SPDYE2B: variants seen among roughly 807,000 people sequenced by gnomAD.
SPDYE2B encodes the protein speedy/RINGO cell cycle regulator family member E2B, also known as speedy protein E2B.
At chr7:102,654,717 GAAAAA>G (rs1199178918) in intron 3 of SPDYE2B, among the ~76,000 whole-genome samples, 1 of 14,820 alleles carries the variant, frequency 6.7e-5, no homozygotes, top group African/African-American at 1.3e-4. Context: ...CGACAACAAC[GAAAAA>G]AAAAAAAAAA....
intron 3 of SPDYE2B, among the ~76,000 whole-genome samples, chr7:102,654,285 A>G (rs1791811026): frequency 9.1e-6 from 1 of 110,434 alleles, no homozygotes; most frequent in African/African-American, 3.7e-5. Flanking sequence ...AGATAGCGCC[A>G]CTGCATTCCA....
chr7:102,662,289 C>A lies in SPDYE2B; in HGVS notation c.*1189C>A, dbSNP rs1416841903. On this transcript the variant is annotated 3_prime_UTR_variant, in exon 9 of 9. Coordinates refer to ENST00000507450, the MANE Select transcript of SPDYE2B (RefSeq NM_001166339.2). ...GATTCTTTTCATCCTAAATCTTTTA[C>A]CTTTCAATCTTTGTATCTATTATTA... Among the ~76,000 whole-genome samples, 1 of 25,084 alleles carries A rather than the reference C, an allele frequency of 4.0e-5. No homozygotes were observed. The highest frequency in any genetic ancestry group is 6.6e-5 in the African/African-American group (1 of 15,156). 16.5% of individuals were successfully genotyped at this position (25,084 alleles called of 152,430 possible). A position where few individuals can be genotyped will look rare whatever the true frequency, so the allele number is the denominator to read the frequency against.
intron 3 of SPDYE2B, among the ~76,000 whole-genome samples, chr7:102,654,403 T>A (rs1584227900): frequency 9.2e-6 from 1 of 108,224 alleles, no homozygotes; most frequent in Non-Finnish European, 1.9e-5. Flanking sequence ...GTGGGAAGAA[T>A]GGAGGTACTG....
At position 102,661,699 on chromosome 7, in the gene SPDYE2B, A is replaced by T. The variant is rs2133555876; in HGVS notation, c.*599A>T. ...AACATGCTGTTCCTGTAGTTTTTTG[A>T]TGAGAGTTATAGTTGTTATATATAC... On this transcript the variant is annotated 3_prime_UTR_variant, in exon 9 of 9. Transcript: ENST00000507450. Among the ~76,000 whole-genome samples, 1 of 808 alleles carries T rather than the reference A, an allele frequency of 1.2e-3. No homozygotes were observed. Among genetic ancestry groups the T allele is most frequent in the South Asian group, 0.12 (1 of 8 alleles). The allele number at this position is 808 out of a possible 152,430, so 0.5% of individuals were successfully genotyped here. A position where few individuals can be genotyped will look rare whatever the true frequency, so the allele number is the denominator to read the frequency against.
At position 102,662,061 on chromosome 7, in the gene SPDYE2B, T is replaced by A. The variant is rs1414023840; in HGVS notation, c.*961T>A. Among the ~76,000 whole-genome samples the A allele has an allele frequency of 4.8e-5, 3 of 62,752 alleles. No individual in the cohort carries two copies. The highest frequency in any genetic ancestry group is 7.7e-5 in the African/African-American group (2 of 26,096). The allele number at this position is 62,752 out of a possible 152,430, so 41.2% of individuals were successfully genotyped here. A position where few individuals can be genotyped will look rare whatever the true frequency, so the allele number is the denominator to read the frequency against. On this transcript the variant is annotated 3_prime_UTR_variant, in exon 9 of 9. Coordinates refer to ENST00000507450, the MANE Select transcript of SPDYE2B (RefSeq NM_001166339.2). ...TGGTTTATTTTGAAAAACATGGGTATAGAATTATTTAAATATTATTTTATT... is the reference window on the plus strand; with the variant it reads ...TGGTTTATTTTGAAAAACATGGGTAAAGAATTATTTAAATATTATTTTATT...
chr7:102,658,903 TC>T (rs1791916470), intron 6 of SPDYE2B, among the ~76,000 whole-genome samples: 2 of 144,830 alleles, frequency 1.4e-5, no homozygotes, highest in South Asian at 4.9e-4. Flanking sequence ...ACTTGCCCTG[TC>T]CCCCAAGCTG....
At position 102,662,244 on chromosome 7, in the gene SPDYE2B, T is replaced by G. The variant is rs1461421545; in HGVS notation, c.*1144T>G. 5.0e-5 allele frequency among the ~76,000 whole-genome samples: 2 copies of G among 40,154 alleles called. No individual in the cohort carries two copies. Among genetic ancestry groups the G allele is most frequent in the African/African-American group, 1.0e-4 (2 of 20,092 alleles). 26.3% of individuals were successfully genotyped at this position (40,154 alleles called of 152,430 possible). ...TGTTATATACACATACATATAATTT[T>G]GTTTTCCTTTTTAAGAGAGGATTCT... On this transcript the variant is annotated 3_prime_UTR_variant, in exon 9 of 9. Coordinates refer to ENST00000507450, the MANE Select transcript of SPDYE2B (RefSeq NM_001166339.2).
intron 2 of SPDYE2B, among the ~76,000 whole-genome samples, chr7:102,652,829 A>AG (rs1372597735): frequency 3.3e-3 from 1 of 306 alleles, no homozygotes; most frequent in African/African-American, 6.7e-3. Context: ...AAAAAAAAAA[A>AG]AAAGAAAAGA....
chr7:102,659,032 GTT>G (rs1791921020), intron 6 of SPDYE2B, among the ~76,000 whole-genome samples: 1 of 139,922 alleles, frequency 7.1e-6, no homozygotes, highest in African/African-American at 3.1e-5. Context: ...CACCTGGACA[GTT>G]TGTTTGTTTG....
intron 3 of SPDYE2B, among the ~76,000 whole-genome samples, chr7:102,654,324 C>CAAAAAAAAAAAA (rs1284683166): frequency 2.1e-4 from 20 of 96,030 alleles, no homozygotes; most frequent in East Asian, 1.0e-3. Context: ...GACGCTGTCT[C>CAAAAAAAAAAAA]AAAAAAAAAA....
intron 3 of SPDYE2B, among the ~76,000 whole-genome samples, chr7:102,654,400 G>A (rs1443608567): frequency 7.7e-6 from 1 of 129,288 alleles, no homozygotes; most frequent in African/African-American, 3.0e-5. Context: ...TGTGTGGGAA[G>A]AATGGAGGTA....
intron 5 of SPDYE2B, among the ~76,000 whole-genome samples, chr7:102,656,565 GC>G: frequency 3.4e-5 from 1 of 29,228 alleles, no homozygotes; most frequent in South Asian, 2.9e-3. Flanking sequence ...TCCTGCCTCA[GC>G]CTCCAAGCAG....
At chr7:102,659,000 C>T (rs1791919426) in intron 6 of SPDYE2B, among the ~76,000 whole-genome samples, 5 of 149,960 alleles carry the variant, frequency 3.3e-5, no homozygotes, top group South Asian at 2.2e-4. Flanking sequence ...TTATTAGCTC[C>T]GACTACAGGG....
intron 4 of SPDYE2B, among the ~76,000 whole-genome samples, chr7:102,655,803 CA>C (rs1266767991): frequency 2.6e-5 from 2 of 78,208 alleles, no homozygotes; most frequent in African/African-American, 7.8e-5. Context: ...AATCAATAAA[CA>C]AAGAAAGTGG....
intron 3 of SPDYE2B, among the ~76,000 whole-genome samples, chr7:102,654,219 G>T (rs1791807749): frequency 1.0e-5 from 1 of 99,938 alleles, no homozygotes; most frequent in Non-Finnish European, 2.0e-5. Context: ...CAGCTACTCA[G>T]GAGGCTGAGA....
intron 3 of SPDYE2B, among the ~76,000 whole-genome samples, chr7:102,654,386 AG>A (rs1791820171): frequency 7.6e-6 from 1 of 131,668 alleles, no homozygotes; most frequent in Admixed American, 7.5e-5. Context: ...GCACATGAGG[AG>A]GGTGTGTGGG....
rs1791950919 is a variant in SPDYE2B, at chr7:102,662,140, A to G, written c.*1040A>G. ...TTATTTAAATATTATTACTTTAAATATTATTTTAAATATTTTGGAAATACT... is the reference window on the plus strand; with the variant it reads ...TTATTTAAATATTATTACTTTAAATGTTATTTTAAATATTTTGGAAATACT... On this transcript the variant is annotated 3_prime_UTR_variant, in exon 9 of 9. Transcript: ENST00000507450. 1.2e-5 allele frequency among the ~76,000 whole-genome samples: 1 copy of G among 83,260 alleles called. No individual in the cohort carries two copies. Among genetic ancestry groups the G allele is most frequent in the Non-Finnish European group, 2.8e-5 (1 of 35,434 alleles). The allele number at this position is 83,260 out of a possible 152,430, so 54.6% of individuals were successfully genotyped here.
intron 3 of SPDYE2B, among the ~76,000 whole-genome samples, chr7:102,654,423 G>A (rs1791821703): frequency 8.8e-6 from 1 of 113,246 alleles, no homozygotes; most frequent in Non-Finnish European, 1.8e-5. Flanking sequence ...GAGGCAGGGT[G>A]CAGTGGCTCA....
At position 102,661,901 on chromosome 7, in the gene SPDYE2B, A is replaced by T. The variant is rs1233671418; in HGVS notation, c.*801A>T. On this transcript the variant is annotated 3_prime_UTR_variant, in exon 9 of 9. Transcript: ENST00000507450. The stretch of plus-strand genomic sequence containing the variant: ...TAGCTATTGGTAGTTCCCCACCAGA[A>T]AAAAACATAATTCTGGTGATAGAAA... Among the ~76,000 whole-genome samples, 3 of 7,942 alleles carry T rather than the reference A, an allele frequency of 3.8e-4. 1 individual carries two copies. The highest frequency in any genetic ancestry group is 1.6e-3 in the Non-Finnish European group (3 of 1,914). The allele number at this position is 7,942 out of a possible 152,430, so 5.2% of individuals were successfully genotyped here.
Sources: allele counts gnomAD v4.1 joint callset (sites outside exome capture counted in the v4.1 genomes callset), GRCh38; gene constraint gnomAD v4.1.1; transcripts MANE v1.5; gene names NCBI Gene and HGNC (gene_info 2026-07-23, HGNC 2026-07-21).